Variants in ADCK1 observed in about 807,000 individuals in gnomAD.
The protein encoded by ADCK1 is aarF domain-containing protein kinase 1.
ADCK1 carries 41 observed loss-of-function variants against 52.3 expected under a neutral mutation model. That is an observed-to-expected ratio of 0.78 (90% CI 0.61 to 1.02). The LOEUF is 1.02. Among genes scored for constraint, ADCK1 ranks in the 50% least tolerant of loss-of-function variants. The probability of loss-of-function intolerance (pLI) is 0.00; values close to 1 mark genes in which losing one functional copy is unlikely to be tolerated. For missense variants in ADCK1, 658 were observed against 679.5 expected (o/e 0.97, Z 0.35); for synonymous variants, 250 against 274.6 (o/e 0.91, Z 0.89).
In ADCK1 at chr14:77,899,145, A is replaced by G. The variant is rs142852057; in HGVS notation, c.628A>G (p.Met210Val). The G allele has an allele frequency of 2.5e-4, 408 of 1,614,160 alleles. 2 individuals carry two copies. The East Asian group carries it at 8.9e-3, about 35-fold the overall frequency. The change falls in exon 6 of 11, where the codon ATG becomes GTG. Residue 210 changes from methionine to valine, a missense_variant. Met to Val is a conservative substitution (Grantham distance 21). Transcript: ENST00000238561. ...VKQLFPEFEF[M>V]WLVDEAKKNL... ...GCAGCTGTTCCCAGAGTTTGAGTTT[A>G]TGTGGCTTGTGGATGAAGCCAAGAA...
chr14:77,847,505 G>T (rs1165001095), intron 3 of ADCK1, among the ~76,000 whole-genome samples: 1 of 152,230 alleles, frequency 6.6e-6, no homozygotes, highest in African/African-American at 2.4e-5. Flanking sequence ...AGGAGGTGGA[G>T]GTTGCAGTGA....
rs184695337 is a variant in ADCK1, at chr14:77,831,861, G to A, written c.219+9343G>A. Among the ~76,000 whole-genome samples, 60 of 152,330 alleles carry A rather than the reference G, an allele frequency of 3.9e-4. 1 individual carries two copies. The East Asian group carries it at 6.0e-3, about 15-fold the overall frequency. The stretch of plus-strand genomic sequence containing the variant: ...TTGGAGGGGCAGAGTAAGGGGCTAA[G>A]GTCGGGTGACAACTCTATAACTATT... On this transcript the variant is annotated intron_variant, in intron 3 of 10. Coordinates refer to ENST00000238561, the MANE Select transcript of ADCK1 (RefSeq NM_020421.4).
At chr14:77,914,881 C>T (rs1006135195) in intron 7 of ADCK1, among the ~76,000 whole-genome samples, 1 of 152,118 alleles carries the variant, frequency 6.6e-6, no homozygotes, top group African/African-American at 2.4e-5. Context: ...CCTCTATTTT[C>T]TGAGTATAAA....
chr14:77,807,765 T>C (rs2081261461), intron 1 of ADCK1, among the ~76,000 whole-genome samples: 1 of 152,112 alleles, frequency 6.6e-6, no homozygotes, highest in East Asian at 1.9e-4. Context: ...TACCTCGGCT[T>C]CCCAAAGTGC....
chr14:77,856,944 G>A (rs2082429132), intron 3 of ADCK1, among the ~76,000 whole-genome samples: 1 of 152,002 alleles, frequency 6.6e-6, no homozygotes, highest in Admixed American at 6.6e-5. Context: ...GGAGGTTGCA[G>A]TGAGCCGAGA....
intron 4 of ADCK1, among the ~76,000 whole-genome samples, chr14:77,864,940 A>T (rs1180775499): frequency 1.3e-5 from 2 of 152,102 alleles, no homozygotes; most frequent in African/African-American, 4.8e-5. Context: ...CATGAGGCCC[A>T]CTCATGCTAT....
intron 1 of ADCK1, among the ~76,000 whole-genome samples, chr14:77,812,945 A>G (rs2081365330): frequency 6.6e-6 from 1 of 152,104 alleles, no homozygotes; most frequent in Non-Finnish European, 1.5e-5. Context: ...GTAGGAACTG[A>G]TCCCAGGAGT....
chr14:77,899,392 A>G lies in ADCK1; in HGVS notation c.741+134A>G, dbSNP rs1246662357. 1.2e-5 allele frequency: 15 copies of G among 1,204,312 alleles called. No homozygotes were observed. The East Asian group carries it at 3.3e-4, about 27-fold the overall frequency. 74.6% of individuals were successfully genotyped at this position (1,204,312 alleles called of 1,614,324 possible). A position where few individuals can be genotyped will look rare whatever the true frequency, so the allele number is the denominator to read the frequency against. On this transcript the variant is annotated intron_variant, in intron 6 of 10. Coordinates refer to ENST00000238561, the MANE Select transcript of ADCK1 (RefSeq NM_020421.4). The stretch of plus-strand genomic sequence containing the variant: ...TCCTGAGTCCTCTTACTGAGGATGA[A>G]TGACATCACTGGTGATGTGCATTAA...
intron 3 of ADCK1, among the ~76,000 whole-genome samples, chr14:77,824,508 A>C (rs1454340664): frequency 6.9e-6 from 1 of 144,074 alleles, no homozygotes; most frequent in Non-Finnish European, 1.5e-5. Flanking sequence ...ATCTTGGCTC[A>C]CTGCAACCTC....
At chr14:77,928,546 C>G (rs536666247) in intron 9 of ADCK1, among the ~76,000 whole-genome samples, 89 of 151,808 alleles carry the variant, frequency 5.9e-4, no homozygotes, top group Non-Finnish European at 9.4e-4. Flanking sequence ...ACTGCAACCT[C>G]TGCCTCCCAG....
At chr14:77,908,019 C>T in intron 7 of ADCK1, 100 bp downstream of exon 7, 1 of 931,912 alleles carries the variant, frequency 1.1e-6, no homozygotes, top group Non-Finnish European at 1.7e-6. Context: ...CAGAGTCTGG[C>T]CCCCTTGTCT....
chr14:77,830,111 A>C (rs1206998823), intron 3 of ADCK1, among the ~76,000 whole-genome samples: 1 of 151,076 alleles, frequency 6.6e-6, no homozygotes, highest in Non-Finnish European at 1.5e-5. Flanking sequence ...TTGGTGATTG[A>C]GAATGCTTAA....
intron 2 of ADCK1, 37 bp from the exon 3 acceptor site, chr14:77,822,398 C>T (rs752704979): frequency 6.5e-7 from 1 of 1,538,004 alleles, no homozygotes; most frequent in Admixed American, 1.7e-5. Flanking sequence ...ACTTAATGTC[C>T]AGGTGCTAAG....
At chr14:77,919,526 T>G (rs568082139) in intron 7 of ADCK1, among the ~76,000 whole-genome samples, 6 of 152,224 alleles carry the variant, frequency 3.9e-5, no homozygotes, top group African/African-American at 1.4e-4. Flanking sequence ...TTTTTGCAAT[T>G]GTGAATTGTG....
rs768913565 is a variant in ADCK1 at position 77,822,607 on chromosome 14, C to T, written c.219+89C>T. The T allele has an allele frequency of 9.0e-5, 103 of 1,144,148 alleles. 1 individual carries two copies. In the Admixed American group the frequency reaches 9.5e-4, roughly 11 times the overall value. 70.9% of individuals were successfully genotyped at this position (1,144,148 alleles called of 1,614,324 possible). A position where few individuals can be genotyped will look rare whatever the true frequency, so the allele number is the denominator to read the frequency against. On this transcript the variant is annotated intron_variant, in intron 3 of 10. Transcript: ENST00000238561. ...TCTAGTGATCCTCCCACCTCACCCC[C>T]GCAAAGTGCTGGGATTAAAGGCATG...
At chr14:77,921,714 A>C (rs569930980) in intron 7 of ADCK1, among the ~76,000 whole-genome samples, 35 of 152,142 alleles carry the variant, frequency 2.3e-4, no homozygotes, top group Admixed American at 3.3e-4. Flanking sequence ...GGAGCGGGCC[A>C]CTCTGGTGGC....
At chr14:77,840,600 C>A (rs1040931461) in intron 3 of ADCK1, among the ~76,000 whole-genome samples, 1 of 152,096 alleles carries the variant, frequency 6.6e-6, no homozygotes, top group Non-Finnish European at 1.5e-5. Context: ...GTAATCCCAG[C>A]ACTTTGGGAG....
intron 5 of ADCK1, among the ~76,000 whole-genome samples, chr14:77,890,407 A>G (rs1022672477): frequency 2.0e-5 from 3 of 152,198 alleles, no homozygotes; most frequent in Non-Finnish European, 4.4e-5. Flanking sequence ...CCAAGAGAAT[A>G]AGGCTGAAAG....
At chr14:77,907,224 G>GT (rs1349739200) in intron 6 of ADCK1, among the ~76,000 whole-genome samples, 2 of 152,152 alleles carry the variant, frequency 1.3e-5, no homozygotes, top group African/African-American at 2.4e-5. Context: ...CCAGTATTTA[G>GT]TTTTTTTCAT....
Sources: gnomAD v4.1 joint callset for allele counts (sites outside exome capture counted in the v4.1 genomes callset) on GRCh38, gnomAD v4.1.1 for gene constraint, MANE v1.5 for transcripts, NCBI Gene and HGNC (gene_info 2026-07-23, HGNC 2026-07-21) for gene names.